The following EPB41L4A variants were observed in gnomAD, a reference collection of about 807,000 sequenced individuals.
EPB41L4A encodes the protein band 4.1-like protein 4A.
Under a neutral mutation model 108.6 loss-of-function variants are expected in EPB41L4A, and 100 were observed. The ratio of observed to expected loss-of-function variants is 0.92; its 90% confidence interval spans 0.78 to 1.09. The LOEUF (loss-of-function observed/expected upper bound fraction) is 1.09. Among genes scored for constraint, EPB41L4A ranks in the 50% least tolerant of loss-of-function variants. The pLI is 0.00. For synonymous variants in EPB41L4A, 319 were observed against 289.0 expected (o/e 1.10, Z -1.05); for missense variants, 1,030 against 842.7 (o/e 1.22, Z -2.75).
chr5:112,381,738 C>T (rs1409744789), intron 1 of EPB41L4A, among the ~76,000 whole-genome samples: 1 of 152,246 alleles, frequency 6.6e-6, no homozygotes, highest in Non-Finnish European at 1.5e-5. Flanking sequence ...ATCATGGCCA[C>T]TGGGCTCCCA....
chr5:112,388,858 G>C (rs898716954), intron 1 of EPB41L4A, among the ~76,000 whole-genome samples: 2 of 152,164 alleles, frequency 1.3e-5, no homozygotes, highest in Non-Finnish European at 2.9e-5. Flanking sequence ...CAGCCAGGCA[G>C]GAGACAGCCT....
chr5:112,414,090 C>A (rs143181133), intron 1 of EPB41L4A, among the ~76,000 whole-genome samples: 165 of 152,236 alleles, frequency 1.1e-3, no homozygotes, highest in African/African-American at 3.6e-3. Context: ...AAGTAATTAG[C>A]GGTGCCAAAA....
intron 9 of EPB41L4A, among the ~76,000 whole-genome samples, chr5:112,245,502 T>C (rs1290639985): frequency 2.0e-5 from 3 of 152,198 alleles, no homozygotes; most frequent in Non-Finnish European, 4.4e-5. Flanking sequence ...AAAGCCAACA[T>C]GCACACATTA....
At chr5:112,283,986 TG>T (rs1450173783) in intron 2 of EPB41L4A, among the ~76,000 whole-genome samples, 2 of 152,222 alleles carry the variant, frequency 1.3e-5, no homozygotes, top group African/African-American at 4.8e-5. Context: ...GCCTTAAATC[TG>T]TATAAAGTAC....
At chr5:112,149,435 G>GAAT (rs1759383012) in intron 12 of EPB41L4A, among the ~76,000 whole-genome samples, 2 of 152,176 alleles carry the variant, frequency 1.3e-5, no homozygotes, top group African/African-American at 2.4e-5. Flanking sequence ...TCGCGCCACT[G>GAAT]CACTCCAGCC....
intron 1 of EPB41L4A, among the ~76,000 whole-genome samples, chr5:112,324,000 C>A (rs1028088573): frequency 2.0e-5 from 3 of 152,120 alleles, no homozygotes; most frequent in Non-Finnish European, 4.4e-5. Context: ...TTTCAACATG[C>A]AAGAACTTAG....
chr5:112,246,473 A>G (rs1042878878), intron 9 of EPB41L4A, among the ~76,000 whole-genome samples: 1 of 152,128 alleles, frequency 6.6e-6, no homozygotes, highest in Admixed American at 6.5e-5. Flanking sequence ...CCCCAAACTC[A>G]TTTAGCTAAA....
chr5:112,344,924 G>A (rs1307741161), intron 1 of EPB41L4A, among the ~76,000 whole-genome samples: 1 of 152,218 alleles, frequency 6.6e-6, no homozygotes, highest in Non-Finnish European at 1.5e-5. Flanking sequence ...CAAAGCCACT[G>A]TGACAAACAA....
intron 15 of EPB41L4A, among the ~76,000 whole-genome samples, chr5:112,203,543 G>A (rs1028012068): frequency 6.6e-6 from 1 of 152,120 alleles, no homozygotes; most frequent in Non-Finnish European, 1.5e-5. Context: ...TTGCAGAGAG[G>A]TCCAAAACTT....
At chr5:112,293,133 T>C (rs1352690509) in intron 2 of EPB41L4A, among the ~76,000 whole-genome samples, 1 of 152,188 alleles carries the variant, frequency 6.6e-6, no homozygotes, top group Non-Finnish European at 1.5e-5. Context: ...TATGTATATG[T>C]TGACATTTCT....
At chr5:112,225,505 C>G (rs1420561876) in intron 12 of EPB41L4A, among the ~76,000 whole-genome samples, 2 of 152,180 alleles carry the variant, frequency 1.3e-5, no homozygotes, top group Non-Finnish European at 2.9e-5. Context: ...GAACTTCATG[C>G]ATTCATGACA....
intron 1 of EPB41L4A, among the ~76,000 whole-genome samples, chr5:112,341,119 T>C (rs1422391251): frequency 6.6e-6 from 1 of 152,226 alleles, no homozygotes; most frequent in Non-Finnish European, 1.5e-5. Context: ...TATATTAATG[T>C]TTTCACTGTT....
At chr5:112,145,006 G>C (rs1321024978) in intron 13 of EPB41L4A, among the ~76,000 whole-genome samples, 3 of 152,154 alleles carry the variant, frequency 2.0e-5, no homozygotes, top group Admixed American at 2.0e-4. Flanking sequence ...GTTAATTCTG[G>C]CTGTGCGTGG....
chr5:112,167,987 G>A (rs1760354298), intron 22 of EPB41L4A, among the ~76,000 whole-genome samples: 2 of 152,188 alleles, frequency 1.3e-5, no homozygotes, highest in Non-Finnish European at 2.9e-5. Context: ...ATGATCAAAT[G>A]ACACTGAAAA....
intron 1 of EPB41L4A, among the ~76,000 whole-genome samples, chr5:112,391,420 A>C (rs1346927693): frequency 6.6e-6 from 1 of 152,186 alleles, no homozygotes; most frequent in Non-Finnish European, 1.5e-5. Flanking sequence ...TGGCACAAGA[A>C]CTACATGACG....
At chr5:112,231,845 C>T (rs1748975308) in intron 12 of EPB41L4A, among the ~76,000 whole-genome samples, 1 of 149,074 alleles carries the variant, frequency 6.7e-6, no homozygotes, top group African/African-American at 2.5e-5. Flanking sequence ...CAGTGGCTCA[C>T]ACCTGTAATC....
At chr5:112,298,126 A>G (rs183209156) in intron 2 of EPB41L4A, among the ~76,000 whole-genome samples, 1 of 152,128 alleles carries the variant, frequency 6.6e-6, no homozygotes, top group Admixed American at 6.5e-5. Context: ...TTTTGGTTCC[A>G]TATGAACTGT....
intron 1 of EPB41L4A, among the ~76,000 whole-genome samples, chr5:112,337,701 A>C (rs546143751): frequency 6.6e-6 from 1 of 152,202 alleles, no homozygotes; most frequent in Admixed American, 6.5e-5. Context: ...GTTACAATAC[A>C]TAAGAAGTGA....
intron 1 of EPB41L4A, among the ~76,000 whole-genome samples, chr5:112,314,529 A>G (rs1468333534): frequency 1.4e-5 from 2 of 142,330 alleles, no homozygotes; most frequent in African/African-American, 5.1e-5. Context: ...AAAAAAAAAA[A>G]AAAAAAAAAG....
Sources: allele counts gnomAD v4.1 joint callset (sites outside exome capture counted in the v4.1 genomes callset), GRCh38; gene constraint gnomAD v4.1.1; transcripts MANE v1.5; gene names NCBI Gene and HGNC (gene_info 2026-07-23, HGNC 2026-07-21).